Variants in WDFY4 observed in about 807,000 individuals in gnomAD.
WDFY4 encodes the protein WDFY family member 4.
WDFY4 carries 169 observed loss-of-function variants against 351.9 expected under a neutral mutation model. The ratio of observed to expected loss-of-function variants is 0.48; its 90% confidence interval spans 0.42 to 0.55. The LOEUF (loss-of-function observed/expected upper bound fraction) is 0.55, where lower values mean the gene tolerates loss of function less well. Among genes scored for constraint, WDFY4 ranks in the 20% least tolerant of loss-of-function variants. The probability of loss-of-function intolerance (pLI) is 0.00; values close to 1 mark genes in which losing one functional copy is unlikely to be tolerated. For synonymous variants in WDFY4, 1,622 were observed against 1,574.6 expected (o/e 1.03, Z -0.71); for missense variants, 3,803 against 3,935.6 (o/e 0.97, Z 0.90).
Position 48,897,507 on chromosome 10 carries a change from A to G in WDFY4, c.7370A>G (p.His2457Arg), listed in dbSNP as rs558291919. The G allele has an allele frequency of 2.6e-6, 4 of 1,551,448 alleles. No homozygotes were observed. In the East Asian group the frequency reaches 7.3e-5, roughly 28 times the overall value. ...NLCSKDRSTD[H>R]YSCQCHSYAD... ...TGCAGCAAAGACAGGTCCACTGACC[A>G]TTACTCGTGCCAGTGCCACAGCTAC... The change falls in exon 45 of 62, where the codon CAT (histidine) becomes CGT (arginine). Residue 2457 changes from histidine (H) to arginine (R), a missense_variant. By Grantham distance (29) the His-to-Arg change is conservative. Transcript: ENST00000325239.
intron 11 of WDFY4, among the ~76,000 whole-genome samples, chr10:48,737,011 C>T (rs533504827): frequency 6.6e-6 from 1 of 152,210 alleles, no homozygotes; most frequent in Non-Finnish European, 1.5e-5. Context: ...ATCATTCTTG[C>T]CATCTCTTCT....
chr10:48,792,011 C>T (rs2066699011), intron 23 of WDFY4, among the ~76,000 whole-genome samples: 1 of 152,168 alleles, frequency 6.6e-6, no homozygotes, highest in Non-Finnish European at 1.5e-5. Flanking sequence ...ATTACCGATA[C>T]CATATCCCAA....
intron 35 of WDFY4, among the ~76,000 whole-genome samples, chr10:48,824,935 C>G (rs1177081303): frequency 6.6e-6 from 1 of 152,176 alleles, no homozygotes; most frequent in Non-Finnish European, 1.5e-5. Flanking sequence ...TGTGAGCCAC[C>G]ATACCCAGCC....
chr10:48,781,901 A>G (rs1225347323), intron 19 of WDFY4, among the ~76,000 whole-genome samples: 1 of 152,246 alleles, frequency 6.6e-6, no homozygotes, highest in African/African-American at 2.4e-5. Flanking sequence ...TACATATAGT[A>G]TAAAATAAAA....
intron 39 of WDFY4, among the ~76,000 whole-genome samples, chr10:48,850,612 C>A (rs1190303184): frequency 2.6e-5 from 4 of 152,182 alleles, no homozygotes; most frequent in Non-Finnish European, 5.9e-5. Context: ...GTTACAGTAA[C>A]AAAAACTCTC....
chr10:48,862,825 A>T (rs1366616426), intron 39 of WDFY4, among the ~76,000 whole-genome samples: 3 of 152,160 alleles, frequency 2.0e-5, no homozygotes, highest in Non-Finnish European at 4.4e-5. Flanking sequence ...ATTTTATAAC[A>T]TTTTATAACC....
intron 13 of WDFY4, among the ~76,000 whole-genome samples, chr10:48,761,781 A>G (rs2065514417): frequency 6.6e-6 from 1 of 152,256 alleles, no homozygotes; most frequent in Admixed American, 6.5e-5. Flanking sequence ...TAGGTTTATC[A>G]GCAGCCAAGG....
intron 39 of WDFY4, among the ~76,000 whole-genome samples, chr10:48,855,957 TA>T (rs2069118803): frequency 6.6e-6 from 1 of 152,176 alleles, no homozygotes; most frequent in African/African-American, 2.4e-5. Flanking sequence ...AAAAACAGTA[TA>T]TATAGGGTTC....
intron 39 of WDFY4, among the ~76,000 whole-genome samples, chr10:48,865,089 G>A (rs527470134): frequency 3.9e-5 from 6 of 152,212 alleles, no homozygotes; most frequent in Non-Finnish European, 4.4e-5. Context: ...AGAACCTTCA[G>A]TACATTGCTG....
intron 47 of WDFY4, among the ~76,000 whole-genome samples, chr10:48,931,422 C>G (rs1839997476): frequency 6.6e-6 from 1 of 152,178 alleles, no homozygotes; most frequent in African/African-American, 2.4e-5. Flanking sequence ...TCCAGAGGTA[C>G]TCTATCAGAG....
intron 19 of WDFY4, among the ~76,000 whole-genome samples, chr10:48,785,021 C>G (rs766102899): frequency 1.3e-5 from 2 of 151,102 alleles, no homozygotes; most frequent in Non-Finnish European, 2.9e-5. Context: ...CCATGCCTGG[C>G]TAATGTTTGT....
chr10:48,757,386 C>T (rs973482268), intron 12 of WDFY4, among the ~76,000 whole-genome samples: 3 of 152,044 alleles, frequency 2.0e-5, no homozygotes, highest in Admixed American at 6.6e-5. Flanking sequence ...TATTATGAGT[C>T]ATTTTCCTTG....
chr10:48,703,327 G>A (rs928884139), intron 1 of WDFY4, among the ~76,000 whole-genome samples: 2 of 152,198 alleles, frequency 1.3e-5, no homozygotes, highest in African/African-American at 4.8e-5. Context: ...TGCATGCGAA[G>A]CCACTATTCT....
Position 48,828,799 on chromosome 10 carries a change from GGA to G in WDFY4, c.6245_6246del (p.Glu2082AlafsTer4). The G allele has an allele frequency of 6.5e-7, 1 of 1,548,384 alleles. No individual in the cohort carries two copies. The highest frequency in any genetic ancestry group is 1.2e-5 in the South Asian group (1 of 83,292). On this transcript the variant is annotated frameshift_variant, in exon 37 of 62. Transcript: ENST00000325239. LOFTEE classifies it high-confidence loss of function. Reference sequence around the variant, plus strand: ...CTAGTTACCCAGAAGGATTTGGATTGGAGCCCAAGCCTAGAATGTCTACTTAT... The same window carrying G: ...CTAGTTACCCAGAAGGATTTGGATTGGCCCAAGCCTAGAATGTCTACTTAT... ...ERSYPEGFGL[E>X]PKPRMSTYHQ...
chr10:48,833,360 T>C (rs575392395), intron 39 of WDFY4, among the ~76,000 whole-genome samples: 2 of 152,204 alleles, frequency 1.3e-5, no homozygotes, highest in South Asian at 4.2e-4. Context: ...AGGGGGGCTA[T>C]TGGCTGGAAC....
At position 48,811,645 on chromosome 10, in the gene WDFY4, C is replaced by G. The variant is rs2067450361; in HGVS notation, c.5151C>G (p.Val1717=). 1 of 1,551,778 alleles carries G rather than the reference C, an allele frequency of 6.4e-7. No homozygotes were observed. Among genetic ancestry groups the G allele is most frequent in the African/African-American group, 1.4e-5 (1 of 73,040 alleles). Residue 1717 remains valine, a synonymous_variant, in exon 30 of 62, where the codon GTC becomes GTG. Transcript: ENST00000325239. ...CCCACCACGTCCACATTCCAGAGGTCTACCTCATCGTCTCCACCTTCTTCC... is the reference window on the plus strand; with the variant it reads ...CCCACCACGTCCACATTCCAGAGGTGTACCTCATCGTCTCCACCTTCTTCC... ...FLAHHVHIPE[V]YLIVSTFFLQ...
At chr10:48,705,988 G>A (rs745688702) in intron 1 of WDFY4, among the ~76,000 whole-genome samples, 40 of 152,212 alleles carry the variant, frequency 2.6e-4, no homozygotes, top group Non-Finnish European at 5.3e-4. Context: ...ACAACACTAA[G>A]CTTGCTGTTA....
intron 47 of WDFY4, among the ~76,000 whole-genome samples, 193 bp downstream of exon 47, chr10:48,902,056 A>T (rs12763066): frequency 0.13 from 20,319 of 152,292 alleles, 1,510 homozygotes; most frequent in Middle Eastern, 0.21. Context: ...CTCTGTGAAC[A>T]GACTTGAAGT....
intron 48 of WDFY4, 45 bp from the exon 49 acceptor site, chr10:48,943,285 G>C: frequency 6.5e-7 from 1 of 1,545,720 alleles, no homozygotes; most frequent in South Asian, 1.2e-5. Flanking sequence ...CTTTGCAGGA[G>C]CATCAAACGT....
Sources: gnomAD v4.1 joint callset for allele counts (sites outside exome capture counted in the v4.1 genomes callset) on GRCh38, gnomAD v4.1.1 for gene constraint, MANE v1.5 for transcripts, NCBI Gene and HGNC (gene_info 2026-07-23, HGNC 2026-07-21) for gene names.